Variants in GALNT13 observed in about 807,000 individuals in gnomAD.
GALNT13 encodes the protein UDP-GalNAc:polypeptide N-acetylgalactosaminyltransferase 13.
A neutral mutation model predicts 64.2 loss-of-function variants in GALNT13; 28 were observed. The observed-to-expected ratio is 0.44, with a 90% confidence interval of 0.32 to 0.60. GALNT13 has a LOEUF of 0.60. GALNT13 is among the 20% of genes least tolerant of loss of function. GALNT13 has a pLI of 0.05. For missense variants in GALNT13, 577 were observed against 669.8 expected, an observed-to-expected ratio of 0.86 and a Z score of 1.53; for synonymous variants, 214 against 224.6, an observed-to-expected ratio of 0.95 and a Z score of 0.42.
chr2:153,396,517 CAT>C, the GALNT13 span, among the ~76,000 whole-genome samples: 1 of 151,848 alleles, frequency 6.6e-6, no homozygotes, highest in Non-Finnish European at 1.5e-5. Flanking sequence ...GGTCTATAAA[CAT>C]ATGTTACAGT....
the GALNT13 span, among the ~76,000 whole-genome samples, chr2:153,858,565 A>C: frequency 7.7e-3 from 1,179 of 152,186 alleles, 16 homozygotes; most frequent in African/African-American, 0.027. Context: ...TGAGAGAGAG[A>C]GATCATATTT....
intron 9 of GALNT13, among the ~76,000 whole-genome samples, chr2:154,361,169 T>C (rs561651408): frequency 5.3e-5 from 8 of 152,228 alleles, no homozygotes; most frequent in South Asian, 4.1e-4. Context: ...TTTATAAAGA[T>C]TTTATTGAGC....
the GALNT13 span, among the ~76,000 whole-genome samples, chr2:153,085,772 C>T: frequency 6.6e-6 from 1 of 152,140 alleles, no homozygotes; most frequent in African/African-American, 2.4e-5. Context: ...CATTGAGTGC[C>T]TACTGGGGTA....
At chr2:153,687,239 C>T in the GALNT13 span, among the ~76,000 whole-genome samples, 5 of 151,922 alleles carry the variant, frequency 3.3e-5, no homozygotes, top group East Asian at 9.7e-4. Flanking sequence ...CTTTGTACAC[C>T]TGATAGAATT....
chr2:154,035,766 T>A (rs903411743), intron 3 of GALNT13, among the ~76,000 whole-genome samples: 6 of 151,996 alleles, frequency 3.9e-5, no homozygotes, highest in Non-Finnish European at 5.9e-5. Context: ...AACAAAACCA[T>A]TTTTCTAAGG....
chr2:153,410,878 G>C, the GALNT13 span, among the ~76,000 whole-genome samples: 9 of 151,322 alleles, frequency 5.9e-5, no homozygotes, highest in African/African-American at 2.2e-4. Flanking sequence ...TATATTTAGA[G>C]AGAGAGAGAG....
At chr2:154,223,792 A>C (rs149939124) in intron 4 of GALNT13, among the ~76,000 whole-genome samples, 1 of 152,136 alleles carries the variant, frequency 6.6e-6, no homozygotes, top group East Asian at 1.9e-4. Context: ...CTAACATTAC[A>C]TTGAAATTAA....
At chr2:154,184,563 A>G (rs1392921002) in intron 4 of GALNT13, among the ~76,000 whole-genome samples, 1 of 151,768 alleles carries the variant, frequency 6.6e-6, no homozygotes, top group Non-Finnish European at 1.5e-5. Flanking sequence ...CTTTGTGATT[A>G]TCATGTGTCT....
At chr2:154,238,668 C>T (rs1393822594) in intron 4 of GALNT13, among the ~76,000 whole-genome samples, 1 of 151,890 alleles carries the variant, frequency 6.6e-6, no homozygotes. Context: ...TTTAATAGTA[C>T]AGAAGGAGTC....
the GALNT13 span, among the ~76,000 whole-genome samples, chr2:153,598,085 G>C: frequency 6.6e-6 from 1 of 152,024 alleles, no homozygotes; most frequent in African/African-American, 2.4e-5. Flanking sequence ...TTAAATACCA[G>C]TACCCGTGCA....
At chr2:154,266,564 C>T (rs1218539537) in intron 8 of GALNT13, among the ~76,000 whole-genome samples, 2 of 151,716 alleles carry the variant, frequency 1.3e-5, no homozygotes, top group Non-Finnish European at 2.9e-5. Context: ...TGTGCAAGAC[C>T]TCTATGCTAA....
chr2:154,081,758 G>A (rs565778603), intron 3 of GALNT13, among the ~76,000 whole-genome samples: 35 of 151,786 alleles, frequency 2.3e-4, no homozygotes, highest in Non-Finnish European at 4.4e-4. Flanking sequence ...TCAAATGACC[G>A]TTGATTAATC....
chr2:153,629,352 C>A, the GALNT13 span, among the ~76,000 whole-genome samples: 4 of 151,832 alleles, frequency 2.6e-5, no homozygotes, highest in African/African-American at 9.7e-5. Context: ...CACATATCTA[C>A]AACTATCTGA....
chr2:153,956,031 G>A (rs1450392161), intron 3 of GALNT13, among the ~76,000 whole-genome samples: 2 of 152,176 alleles, frequency 1.3e-5, no homozygotes, highest in South Asian at 2.1e-4. Flanking sequence ...AAATCCATAG[G>A]CCAAAGGGAA....
At chr2:153,584,303 C>T in the GALNT13 span, among the ~76,000 whole-genome samples, 15 of 152,156 alleles carry the variant, frequency 9.9e-5, no homozygotes, top group African/African-American at 3.6e-4. Flanking sequence ...CTGCTCCCCT[C>T]CAAGACACAG....
intron 3 of GALNT13, among the ~76,000 whole-genome samples, chr2:154,086,683 A>G (rs1425396374): frequency 6.6e-6 from 1 of 152,004 alleles, no homozygotes; most frequent in Non-Finnish European, 1.5e-5. Flanking sequence ...TAGAAAACCA[A>G]TTACAAATTA....
chr2:153,300,917 G>A, the GALNT13 span, among the ~76,000 whole-genome samples: 1 of 152,080 alleles, frequency 6.6e-6, no homozygotes, highest in Non-Finnish European at 1.5e-5. Flanking sequence ...TAAATTAAGA[G>A]TATAGGCTGG....
At chr2:154,228,369 T>C (rs1688740597) in intron 4 of GALNT13, among the ~76,000 whole-genome samples, 1 of 152,178 alleles carries the variant, frequency 6.6e-6, no homozygotes. Context: ...CACGTTGCAC[T>C]GTGATCCATG....
At chr2:153,559,950 T>C in the GALNT13 span, among the ~76,000 whole-genome samples, 1 of 152,076 alleles carries the variant, frequency 6.6e-6, no homozygotes, top group African/African-American at 2.4e-5. Flanking sequence ...TTTAAAAATA[T>C]TATTTCTTAC....
Sources: gnomAD v4.1 joint callset for allele counts (sites outside exome capture counted in the v4.1 genomes callset) on GRCh38, gnomAD v4.1.1 for gene constraint, MANE v1.5 for transcripts, NCBI Gene and HGNC (gene_info 2026-07-23, HGNC 2026-07-21) for gene names.